The following DSCAM variants were observed in gnomAD, a reference collection of about 807,000 sequenced individuals.
The protein encoded by DSCAM is DS cell adhesion molecule.
A neutral mutation model predicts 217.7 loss-of-function variants in DSCAM; 47 were observed. The observed-to-expected ratio is 0.22, with a 90% CI of 0.17 to 0.28. The LOEUF (loss-of-function observed/expected upper bound fraction) is 0.28. Ranked by LOEUF, DSCAM falls within the 10% of genes least tolerant of loss-of-function variation. DSCAM has a pLI of 1.00. For missense variants in DSCAM, 2,080 were observed against 2,618.3 expected (o/e 0.79, Z 4.49); for synonymous variants, 1,056 against 1,015.3 (o/e 1.04, Z -0.76).
chr21:40,480,319 T>C (rs1482366383), intron 3 of DSCAM, among the ~76,000 whole-genome samples: 1 of 152,066 alleles, frequency 6.6e-6, no homozygotes, highest in East Asian at 1.9e-4. Flanking sequence ...AGATAAAGCA[T>C]TTCCCAAAGC....
intron 11 of DSCAM, among the ~76,000 whole-genome samples, chr21:40,268,065 AG>A (rs1337104441): frequency 6.6e-6 from 1 of 152,210 alleles, no homozygotes; most frequent in African/African-American, 2.4e-5. Flanking sequence ...TTCTCCCTTC[AG>A]CCTTTGCCCT....
intron 3 of DSCAM, among the ~76,000 whole-genome samples, chr21:40,578,554 A>C (rs2076874872): frequency 6.6e-6 from 1 of 152,168 alleles, no homozygotes; most frequent in South Asian, 2.1e-4. Flanking sequence ...GCCAAATAAG[A>C]GAATAAAAGC....
At chr21:40,105,066 A>AGG (rs2089801183) in intron 20 of DSCAM, among the ~76,000 whole-genome samples, 2 of 152,184 alleles carry the variant, frequency 1.3e-5, no homozygotes, top group Non-Finnish European at 2.9e-5. Flanking sequence ...AGAGATTTCC[A>AGG]GGGCCTCTTT....
chr21:40,276,572 AG>A (rs2073690488), intron 10 of DSCAM, among the ~76,000 whole-genome samples: 1 of 152,232 alleles, frequency 6.6e-6, no homozygotes, highest in Non-Finnish European at 1.5e-5. Flanking sequence ...AATTATTCAA[AG>A]AAATCACAGT....
At chr21:40,351,373 G>C (rs149989564) in intron 5 of DSCAM, among the ~76,000 whole-genome samples, 43 of 152,306 alleles carry the variant, frequency 2.8e-4, no homozygotes, top group Non-Finnish European at 4.4e-4. Context: ...GTGGTGGAGA[G>C]TTCAGTTTGG....
At chr21:40,661,796 G>A (rs1039534941) in intron 3 of DSCAM, among the ~76,000 whole-genome samples, 4 of 152,088 alleles carry the variant, frequency 2.6e-5, no homozygotes, top group African/African-American at 9.7e-5. Flanking sequence ...CGTGTCCAAA[G>A]GGAAAAAAGG....
Position 40,031,386 on chromosome 21 carries a change from G to A in DSCAM, c.5686+10985C>T, listed in dbSNP as rs117886216. ...AGACCCGGTTAAAACACAAATATAC[G>A]ACACTCGTGTATTGAATCCCTACTG... On this transcript the variant is annotated intron_variant, in intron 32 of 32. Transcript: ENST00000400454. Among the ~76,000 whole-genome samples, 117 of 152,198 alleles carry A rather than the reference G, an allele frequency of 7.7e-4. 2 individuals are homozygous for A. In the East Asian group the frequency reaches 0.018, roughly 24 times the overall value.
At chr21:40,710,206 C>A (rs1197010526) in intron 1 of DSCAM, among the ~76,000 whole-genome samples, 1 of 151,674 alleles carries the variant, frequency 6.6e-6, no homozygotes, top group East Asian at 1.9e-4. Context: ...AATTTAAGTT[C>A]TTTGTAGAGT....
chr21:40,126,250 A>G (rs28412810), intron 19 of DSCAM, among the ~76,000 whole-genome samples: 9,470 of 151,638 alleles, frequency 0.062, 323 homozygotes, highest in Non-Finnish European at 0.079. Context: ...AGGAAGGAAG[A>G]AAGGAAAGAG....
intron 9 of DSCAM, among the ~76,000 whole-genome samples, chr21:40,302,623 A>G (rs1159103107): frequency 6.6e-6 from 1 of 152,200 alleles, no homozygotes; most frequent in Non-Finnish European, 1.5e-5. Context: ...TAAACTTGCC[A>G]AACACTTCTC....
At chr21:40,502,714 C>A (rs1383806347) in intron 3 of DSCAM, among the ~76,000 whole-genome samples, 1 of 152,120 alleles carries the variant, frequency 6.6e-6, no homozygotes, top group Admixed American at 6.6e-5. Flanking sequence ...AGATAATCCA[C>A]AATAATTTTC....
At chr21:40,238,571 C>T (rs190129821) in intron 11 of DSCAM, among the ~76,000 whole-genome samples, 14 of 152,276 alleles carry the variant, frequency 9.2e-5, no homozygotes, top group East Asian at 3.9e-4. Flanking sequence ...GACAACCAAG[C>T]GCTCTGAGTG....
chr21:40,280,186 T>TC (rs2073741198), intron 10 of DSCAM, among the ~76,000 whole-genome samples: 1 of 149,228 alleles, frequency 6.7e-6, no homozygotes, highest in Non-Finnish European at 1.5e-5. Context: ...GGTGCCTTTT[T>TC]TTTTTTTTTT....
chr21:40,062,277 A>G (rs1450071984), intron 28 of DSCAM, among the ~76,000 whole-genome samples: 1 of 152,230 alleles, frequency 6.6e-6, no homozygotes, highest in Non-Finnish European at 1.5e-5. Context: ...CTCATTCAAT[A>G]ACCACTCTTC....
chr21:40,445,074 G>T (rs561482829), intron 3 of DSCAM, among the ~76,000 whole-genome samples: 3 of 152,220 alleles, frequency 2.0e-5, no homozygotes, highest in African/African-American at 7.2e-5. Context: ...CTTCCAGGAT[G>T]GTACTTTCTC....
intron 3 of DSCAM, among the ~76,000 whole-genome samples, chr21:40,484,656 C>T (rs772971507): frequency 6.6e-6 from 1 of 152,080 alleles, no homozygotes; most frequent in Non-Finnish European, 1.5e-5. Context: ...CCTGCCACTG[C>T]GTCATCTCCT....
rs1388372131 is a variant in DSCAM, at chr21:40,016,801, GAAC to G, written c.5687-3418_5687-3416del. ...ACCTTCAAGTTTACCCACAGAAAAAGAACAACCAGCATAACAGAAGGAAAGGAC... is the reference window on the plus strand; with the variant it reads ...ACCTTCAAGTTTACCCACAGAAAAAGAACCAGCATAACAGAAGGAAAGGAC... On this transcript the variant is annotated intron_variant, in intron 32 of 32. Coordinates refer to ENST00000400454, the MANE Select transcript of DSCAM (RefSeq NM_001389.5). This position sits in a 1 kb window ranked among gnomAD's most constrained non-coding sequence, Gnocchi z 4.3. Among the ~76,000 whole-genome samples the G allele has an allele frequency of 6.6e-6, 1 of 152,136 alleles. No individual in the cohort carries two copies. Among genetic ancestry groups the G allele is most frequent in the African/African-American group, 2.4e-5 (1 of 41,428 alleles).
intron 21 of DSCAM, among the ~76,000 whole-genome samples, chr21:40,091,783 A>AGGC (rs1410715246): frequency 6.6e-6 from 1 of 152,178 alleles, no homozygotes; most frequent in Admixed American, 6.5e-5. Flanking sequence ...GGCAGGCAAG[A>AGGC]GAGCATGTGT....
At chr21:40,758,012 T>G (rs1307025346) in intron 1 of DSCAM, among the ~76,000 whole-genome samples, 1 of 152,158 alleles carries the variant, frequency 6.6e-6, no homozygotes, top group Non-Finnish European at 1.5e-5. Context: ...GATCTCTAAT[T>G]CAATGACTGG....
Sources: allele counts gnomAD v4.1 joint callset (sites outside exome capture counted in the v4.1 genomes callset), GRCh38; gene constraint gnomAD v4.1.1; non-coding constraint Gnocchi (gnomAD v3.1); transcripts MANE v1.5; gene names NCBI Gene and HGNC (gene_info 2026-07-23, HGNC 2026-07-21).